Variants in VPS4A observed in about 807,000 individuals in gnomAD.
VPS4A encodes the protein vacuolar protein sorting-associated protein 4A.
Under a neutral mutation model 52.3 loss-of-function variants are expected in VPS4A, and 20 were observed. The observed-to-expected ratio is 0.38, with a 90% CI of 0.27 to 0.56. The LOEUF is 0.56. Among genes scored for constraint, VPS4A ranks in the 20% least tolerant of loss-of-function variants. The pLI, the probability that VPS4A is intolerant of heterozygous loss-of-function variation, is 0.72. For synonymous variants in VPS4A, 293 were observed against 227.7 expected, an observed-to-expected ratio of 1.29 and a Z score of -2.58; for missense variants, 419 against 575.9, an observed-to-expected ratio of 0.73 and a Z score of 2.79.
intron 3 of VPS4A, among the ~76,000 whole-genome samples, chr16:69,316,915 G>A (rs913583493): frequency 2.0e-5 from 3 of 152,198 alleles, no homozygotes; most frequent in African/African-American, 4.8e-5. Flanking sequence ...GGGTGGCCCC[G>A]ATTCCCCAGC....
intron 9 of VPS4A, 32 bp from the exon 10 acceptor site, chr16:69,322,528 C>G (rs746319131): frequency 1.3e-6 from 2 of 1,590,814 alleles, no homozygotes; most frequent in Admixed American, 3.5e-5. Context: ...CACTGAGGGG[C>G]AGCTGCCCCA....
Position 69,320,127 on chromosome 16 carries a change from T to C in VPS4A, c.621-14T>C. On this transcript the variant is annotated splice_polypyrimidine_tract_variant and intron_variant, in intron 6 of 10. Transcript: ENST00000254950. This position sits in a 1 kb window ranked among gnomAD's most constrained non-coding sequence, Gnocchi z 4.2. ...GTGAACGTCTTGTCCTCACCCCCTT[T>C]CTCACCTTCACAGGCTGGTCAAGAA... The C allele has an allele frequency of 6.2e-7, 1 of 1,610,194 alleles. No individual in the cohort carries two copies. The highest frequency in any genetic ancestry group is 8.5e-7 in the Non-Finnish European group (1 of 1,176,940).
In VPS4A at chr16:69,322,635, G is replaced by C; in HGVS notation, c.1147G>C (p.Gly383Arg). ...LLTPCSPGDPGAMEMTWMDVP... is the reference protein window; with the variant it reads ...LLTPCSPGDPRAMEMTWMDVP... ...GACTCCATGCTCACCAGGGGACCCA[G>C]GAGCCATGGAGATGACTTGGATGGA... Residue 383 changes from glycine (G) to arginine (R), a missense_variant, in exon 10 of 11, where the codon GGA becomes CGA. Physicochemically the swap from Gly to Arg is moderately radical, Grantham distance 125. Coordinates refer to ENST00000254950, the MANE Select transcript of VPS4A (RefSeq NM_013245.3). 1 of 1,613,946 alleles carries C rather than the reference G, an allele frequency of 6.2e-7. No individual in the cohort carries two copies. The highest frequency in any genetic ancestry group is 8.5e-7 in the Non-Finnish European group (1 of 1,179,878).
chr16:69,321,281 G>T lies in VPS4A; in HGVS notation c.1071+11G>T. On this transcript the variant is annotated intron_variant, in intron 9 of 10. Coordinates refer to ENST00000254950, the MANE Select transcript of VPS4A (RefSeq NM_013245.3). This position sits in a 1 kb window ranked among gnomAD's most constrained non-coding sequence, Gnocchi z 4.5. Reference sequence around the variant, plus strand: ...ACACACTTCAAAAAGGTGAGTGCCCGCGGCCACTGCTGAGAAAAATCTCAT... The same window carrying T: ...ACACACTTCAAAAAGGTGAGTGCCCTCGGCCACTGCTGAGAAAAATCTCAT... 1 of 1,549,092 alleles carries T rather than the reference G, an allele frequency of 6.5e-7. No homozygotes were observed.
chr16:69,316,091 G>T lies in VPS4A; in HGVS notation c.105G>T (p.Ala35=), dbSNP rs80035728. Residue 35 remains alanine, a synonymous_variant, in exon 2 of 11, where the codon GCG becomes GCT. Coordinates refer to ENST00000254950, the MANE Select transcript of VPS4A (RefSeq NM_013245.3). ...AGGCGCTGCGGCTGTACCAGCATGCGGTGGAGTACTTCCTCCACGCTATCA... is the reference window on the plus strand; with the variant it reads ...AGGCGCTGCGGCTGTACCAGCATGCTGTGGAGTACTTCCTCCACGCTATCA... ...YEEALRLYQH[A]VEYFLHAIKY... 3 of 1,613,284 alleles carry T rather than the reference G, an allele frequency of 1.9e-6. No individual in the cohort carries two copies. Among genetic ancestry groups the T allele is most frequent in the African/African-American group, 1.3e-5 (1 of 74,872 alleles).
At chr16:69,319,202 T>C (rs1166928797) in intron 5 of VPS4A, among the ~76,000 whole-genome samples, 185 bp from the exon 6 acceptor site, 2 of 150,950 alleles carry the variant, frequency 1.3e-5, no homozygotes, top group South Asian at 4.1e-4. Flanking sequence ...AGGGGCACTG[T>C]GCAAGGTCAT....
chr16:69,321,143 C>G lies in VPS4A; in HGVS notation c.944C>G (p.Thr315Arg). ...LHLGSTPHNL[T>R]DANIHELARK... is the part of the protein sequence containing the mutation. ...CTCGGGAGCACTCCCCACAACCTCACGGATGCAAACATCCACGAGCTGGCC... is the reference window on the plus strand; with the variant it reads ...CTCGGGAGCACTCCCCACAACCTCAGGGATGCAAACATCCACGAGCTGGCC... The change falls in exon 9 of 11, where the codon ACG becomes AGG. Residue 315 changes from threonine to arginine, a missense_variant. Transcript: ENST00000254950. The surrounding 1 kb of genome is among the most constrained non-coding windows in gnomAD (Gnocchi z 4.5). 6.3e-7 allele frequency: 1 copy of G among 1,588,998 alleles called. No individual in the cohort carries two copies. The highest frequency in any genetic ancestry group is 8.6e-7 in the Non-Finnish European group (1 of 1,168,156).
Position 69,321,367 on chromosome 16 carries a change from C to T in VPS4A, c.1071+97C>T. On this transcript the variant is annotated intron_variant, in intron 9 of 10. Transcript: ENST00000254950. This position sits in a 1 kb window ranked among gnomAD's most constrained non-coding sequence, Gnocchi z 4.5. ...CTCCTGGTCCTGCTCCCCGGCTGCT[C>T]AGGTGACACAGTCTCTGAGGCCTCC... 2.2e-6 allele frequency: 3 copies of T among 1,352,408 alleles called. No individual in the cohort carries two copies. Among genetic ancestry groups the T allele is most frequent in the East Asian group, 2.5e-5 (1 of 39,838 alleles). 83.8% of individuals were successfully genotyped at this position (1,352,408 alleles called of 1,614,324 possible).
In VPS4A at chr16:69,321,279, C is replaced by A; in HGVS notation, c.1071+9C>A. The A allele has an allele frequency of 6.5e-7, 1 of 1,549,988 alleles. No homozygotes were observed. The highest frequency in any genetic ancestry group is 2.0e-5 in the Admixed American group (1 of 51,054). Reference sequence around the variant, plus strand: ...CCACACACTTCAAAAAGGTGAGTGCCCGCGGCCACTGCTGAGAAAAATCTC... The same window carrying A: ...CCACACACTTCAAAAAGGTGAGTGCACGCGGCCACTGCTGAGAAAAATCTC... On this transcript the variant is annotated intron_variant, in intron 9 of 10. Transcript: ENST00000254950. The surrounding 1 kb of genome is among the most constrained non-coding windows in gnomAD (Gnocchi z 4.5).
chr16:69,320,891 G>A lies in VPS4A; in HGVS notation c.851+122G>A. On this transcript the variant is annotated intron_variant, in intron 8 of 10. Transcript: ENST00000254950. This position sits in a 1 kb window ranked among gnomAD's most constrained non-coding sequence, Gnocchi z 4.2. ...TTCCCTGGAGTCTTCCCGTCTGCCT[G>A]CCAAGCAGAGCCCTTTGTGAGGCTG... 1 of 1,239,582 alleles carries A rather than the reference G, an allele frequency of 8.1e-7. No homozygotes were observed. Among genetic ancestry groups the A allele is most frequent in the Non-Finnish European group, 1.1e-6 (1 of 879,776 alleles). 76.8% of individuals were successfully genotyped at this position (1,239,582 alleles called of 1,614,324 possible). A position where few individuals can be genotyped will look rare whatever the true frequency, so the allele number is the denominator to read the frequency against.
Position 69,322,540 on chromosome 16 carries a change from T to A in VPS4A, c.1072-20T>A. 2 of 1,607,224 alleles carry A rather than the reference T, an allele frequency of 1.2e-6. No individual in the cohort carries two copies. The highest frequency in any genetic ancestry group is 1.7e-6 in the Non-Finnish European group (2 of 1,176,294). On this transcript the variant is annotated intron_variant, in intron 9 of 10. Coordinates refer to ENST00000254950, the MANE Select transcript of VPS4A (RefSeq NM_013245.3). ...TGACACTGAGGGGCAGCTGCCCCAG[T>A]CAGATCCATTTGGTTTCAGGTCTGT... is the stretch of plus-strand genomic sequence containing the variant.
At chr16:69,319,230 C>T (rs1202553153) in intron 5 of VPS4A, among the ~76,000 whole-genome samples, 157 bp from the exon 6 acceptor site, 3 of 151,128 alleles carry the variant, frequency 2.0e-5, no homozygotes, top group African/African-American at 7.3e-5. Context: ...TAGCACAGGG[C>T]ACAGCAGGGA....
intron 1 of VPS4A, among the ~76,000 whole-genome samples, chr16:69,314,763 C>A (rs1287359368): frequency 2.0e-5 from 3 of 152,022 alleles, no homozygotes; most frequent in Non-Finnish European, 2.9e-5. Flanking sequence ...GAACAAATGC[C>A]CCGGCCCTGC....
chr16:69,320,566 T>TGGTG lies in VPS4A; in HGVS notation c.770-116_770-113dup. ...TTAATCTCACTTGGGACCCTGCCAG[T>TGGTG]GGTGGGTGGCACAGGGATGGCTTCA... On this transcript the variant is annotated intron_variant, in intron 7 of 10. Transcript: ENST00000254950. This position sits in a 1 kb window ranked among gnomAD's most constrained non-coding sequence, Gnocchi z 4.2. 2.2e-6 allele frequency: 2 copies of TGGTG among 905,790 alleles called. No individual in the cohort carries two copies. Among genetic ancestry groups the TGGTG allele is most frequent in the Non-Finnish European group, 3.4e-6 (2 of 589,134 alleles). 56.1% of individuals were successfully genotyped at this position (905,790 alleles called of 1,614,324 possible).
At chr16:69,314,807 G>A (rs1417999947) in intron 1 of VPS4A, among the ~76,000 whole-genome samples, 2 of 152,244 alleles carry the variant, frequency 1.3e-5, no homozygotes, top group Non-Finnish European at 2.9e-5. Context: ...TGTTTGCTGT[G>A]CCTGGAACCG....
Position 69,320,965 on chromosome 16 carries a change from G to A in VPS4A, c.852-86G>A, listed in dbSNP as rs574709654. On this transcript the variant is annotated intron_variant, in intron 8 of 10. Coordinates refer to ENST00000254950, the MANE Select transcript of VPS4A (RefSeq NM_013245.3). This position sits in a 1 kb window ranked among gnomAD's most constrained non-coding sequence, Gnocchi z 4.2. The stretch of plus-strand genomic sequence containing the variant: ...CATCACTGGCCCATGAAATGCGTCC[G>A]TTTCACTCAAATCTTCGTGCCTCCC... 30 of 1,402,920 alleles carry A rather than the reference G, an allele frequency of 2.1e-5. 1 individual carries two copies. In the African/African-American group the frequency reaches 2.3e-4, roughly 11 times the overall value. 86.9% of individuals were successfully genotyped at this position (1,402,920 alleles called of 1,614,324 possible).
intron 4 of VPS4A, 35 bp from the exon 5 acceptor site, chr16:69,318,788 C>A (rs780026482): frequency 6.3e-7 from 1 of 1,582,992 alleles, no homozygotes; most frequent in Non-Finnish European, 8.5e-7. Context: ...TGCCCCTTGG[C>A]CGGGCCCGGG....
rs1965606771 is a variant in VPS4A at position 69,326,871 on chromosome 16, G to T, written c.*2562G>T. ...ACGTTGACATGTATATGCGTTTTTT[G>T]TGAGTGCTTCCTGCTCAAAGTGGGA... is the stretch of plus-strand genomic sequence containing the variant. On this transcript the variant is annotated 3_prime_UTR_variant, in exon 11 of 11. Transcript: ENST00000254950. The T allele has an allele frequency of 6.6e-6, 1 of 151,978 alleles. No individual in the cohort carries two copies. Among genetic ancestry groups the T allele is most frequent in the Non-Finnish European group, 1.5e-5 (1 of 67,934 alleles). The allele number at this position is 151,978 out of a possible 1,614,324, so 9.4% of individuals were successfully genotyped here.
chr16:69,323,832 C>T (rs1965545370), intron 10 of VPS4A: 1 of 366,474 alleles, frequency 2.7e-6, no homozygotes, highest in Non-Finnish European at 5.4e-6. Flanking sequence ...TGCCTGTAGT[C>T]CCAGCTATTT....
Sources: gnomAD v4.1 joint callset for allele counts (sites outside exome capture counted in the v4.1 genomes callset) on GRCh38, gnomAD v4.1.1 for gene constraint, Gnocchi (gnomAD v3.1) non-coding constraint, MANE v1.5 for transcripts, NCBI Gene and HGNC (gene_info 2026-07-23, HGNC 2026-07-21) for gene names.